TPD52L2: variants seen among roughly 807,000 people sequenced by gnomAD.
TPD52L2 encodes the protein TPD52 like 2.
A neutral mutation model predicts 24.7 loss-of-function variants in TPD52L2; 19 were observed. The ratio of observed to expected loss-of-function variants is 0.77; its 90% CI spans 0.54 to 1.13. TPD52L2 has a LOEUF of 1.13. TPD52L2 is among the 50% of genes most tolerant of loss of function. TPD52L2 has a pLI of 0.00. For missense variants in TPD52L2, 236 were observed against 250.4 expected (o/e 0.94, Z 0.39); for synonymous variants, 104 against 100.2 (o/e 1.04, Z -0.23).
intron 2 of TPD52L2, among the ~76,000 whole-genome samples, chr20:63,873,168 G>A (rs892361495): frequency 6.6e-6 from 1 of 151,910 alleles, no homozygotes; most frequent in Non-Finnish European, 1.5e-5. Context: ...TAGTTCCCTG[G>A]AGTCAAGTTC....
chr20:63,875,579 G>A (rs1449038933), intron 3 of TPD52L2, among the ~76,000 whole-genome samples: 1 of 152,210 alleles, frequency 6.6e-6, no homozygotes, highest in Non-Finnish European at 1.5e-5. Flanking sequence ...GAGACCAGGG[G>A]CTACTGCCAG....
In TPD52L2 at chr20:63,877,854, CG is replaced by C. The variant is rs1464533690; in HGVS notation, c.374+1982del. Among the ~76,000 whole-genome samples the C allele has an allele frequency of 1.3e-5, 2 of 152,182 alleles. No homozygotes were observed. The highest frequency in any genetic ancestry group is 4.8e-5 in the African/African-American group (2 of 41,430). ...GGTTCCAGAGTGGAAGCGTTTCTGC[CG>C]GGAAGGCCCAGGCCGAGGGCGATGG... On this transcript the variant is annotated intron_variant, in intron 4 of 6. Coordinates refer to ENST00000346249, the MANE Select transcript of TPD52L2 (RefSeq NM_003288.4). This position sits in a 1 kb window ranked among gnomAD's most constrained non-coding sequence, Gnocchi z 4.1.
In TPD52L2 at chr20:63,869,303, C is replaced by T. The variant is rs1490133680; in HGVS notation, c.27C>T (p.Asn9=). The change falls in exon 2 of 7, where the codon AAC becomes AAT. Residue 9 remains asparagine, a synonymous_variant. Transcript: ENST00000346249. The part of the protein sequence containing the change: MDSAGQDI[N]LNSPNKGLLS... ...TCATTTTGTCTCTGGCAGATATCAA[C>T]CTGAATTCTCCTAACAAAGGTCTGC... The T allele has an allele frequency of 6.2e-7, 1 of 1,614,142 alleles. No homozygotes were observed. Among genetic ancestry groups the T allele is most frequent in the South Asian group, 1.1e-5 (1 of 91,078 alleles).
rs1398385838 is a variant in TPD52L2, at chr20:63,889,832, A to C, written c.526-18A>C. ...CTCTGTCTCAGGTTTTTCTGTCTTC[A>C]TCTTTTCTCTCCTGTAGTCTAAGGT... On this transcript the variant is annotated intron_variant, in intron 6 of 6. Transcript: ENST00000346249. The C allele has an allele frequency of 8.7e-6, 14 of 1,610,504 alleles. No individual in the cohort carries two copies. The highest frequency in any genetic ancestry group is 1.2e-5 in the Non-Finnish European group (14 of 1,177,334).
At position 63,890,164 on chromosome 20, in the gene TPD52L2, C is replaced by T. The variant is rs2053279065; in HGVS notation, c.*219C>T. 3 of 1,078,142 alleles carry T rather than the reference C, an allele frequency of 2.8e-6. No homozygotes were observed. Among genetic ancestry groups the T allele is most frequent in the Middle Eastern group, 3.1e-4 (1 of 3,264 alleles). The allele number at this position is 1,078,142 out of a possible 1,614,324, so 66.8% of individuals were successfully genotyped here. A position where few individuals can be genotyped will look rare whatever the true frequency, so the allele number is the denominator to read the frequency against. ...TTTACACTCACGTTTGTAGATGAAACAGATCACTGTGCTGTCCTTCCTAGG... is the reference window on the plus strand; with the variant it reads ...TTTACACTCACGTTTGTAGATGAAATAGATCACTGTGCTGTCCTTCCTAGG... On this transcript the variant is annotated 3_prime_UTR_variant, in exon 7 of 7. Transcript: ENST00000346249.
chr20:63,874,298 T>G (rs1220234502), intron 3 of TPD52L2, among the ~76,000 whole-genome samples: 2 of 150,994 alleles, frequency 1.3e-5, no homozygotes, highest in African/African-American at 4.9e-5. Context: ...GCCAGGCTGG[T>G]CTTGAACTCC....
At chr20:63,865,837 C>G (rs903585885) in intron 1 of TPD52L2, among the ~76,000 whole-genome samples, 6 of 152,038 alleles carry the variant, frequency 3.9e-5, no homozygotes, top group African/African-American at 1.4e-4. Flanking sequence ...GAGAAGGGGT[C>G]TTCGCGTTCA....
intron 4 of TPD52L2, 81 bp downstream of exon 4, chr20:63,875,956 C>A: frequency 2.9e-6 from 4 of 1,391,326 alleles, no homozygotes; most frequent in Non-Finnish European, 4.0e-6. Context: ...GCTGTGCACA[C>A]TTGGCACAAA....
intron 4 of TPD52L2, among the ~76,000 whole-genome samples, chr20:63,882,392 G>A (rs1232675927): frequency 6.6e-6 from 1 of 152,284 alleles, no homozygotes; most frequent in Non-Finnish European, 1.5e-5. Flanking sequence ...ACAGGAAAGC[G>A]AGCTTAGTGG....
chr20:63,883,179 T>C (rs916503020), intron 5 of TPD52L2, among the ~76,000 whole-genome samples: 3 of 152,290 alleles, frequency 2.0e-5, no homozygotes, highest in Non-Finnish European at 2.9e-5. Context: ...ACGGCAGTCC[T>C]CCACCATCTC....
chr20:63,885,428 T>TGAGGCAGCA (rs1329168458), intron 5 of TPD52L2, among the ~76,000 whole-genome samples: 1 of 152,184 alleles, frequency 6.6e-6, no homozygotes, highest in Non-Finnish European at 1.5e-5. Flanking sequence ...CTGGCTGCAG[T>TGAGGCAGCA]GAGTGGCAGC....
rs1003989848 is a variant in TPD52L2 at position 63,877,600 on chromosome 20, C to T, written c.374+1725C>T. ...GCATCAGGCGGACGCACAGTGCAGA[C>T]TCAGTCTGAAAATAGTCTTAGGAGA... On this transcript the variant is annotated intron_variant, in intron 4 of 6. Transcript: ENST00000346249. This position sits in a 1 kb window ranked among gnomAD's most constrained non-coding sequence, Gnocchi z 4.1. 1.3e-5 allele frequency among the ~76,000 whole-genome samples: 2 copies of T among 152,260 alleles called. No homozygotes were observed. Among genetic ancestry groups the T allele is most frequent in the Admixed American group, 6.5e-5 (1 of 15,282 alleles).
At chr20:63,873,891 G>T in intron 3 of TPD52L2, 75 bp downstream of exon 3, 1 of 1,399,430 alleles carries the variant, frequency 7.1e-7, no homozygotes, top group Non-Finnish European at 9.3e-7. Flanking sequence ...ATGTGGGGGG[G>T]CGTCGTCATG....
At chr20:63,881,367 A>C (rs1600821582) in intron 4 of TPD52L2, among the ~76,000 whole-genome samples, 1 of 151,756 alleles carries the variant, frequency 6.6e-6, no homozygotes, top group Non-Finnish European at 1.5e-5. Flanking sequence ...CTCAAAAAAA[A>C]AAAAAAGAAA....
At chr20:63,876,686 C>T (rs1368278083) in intron 4 of TPD52L2, 5 of 441,628 alleles carry the variant, frequency 1.1e-5, no homozygotes, top group Admixed American at 2.5e-5. Context: ...GAAGCAGTTG[C>T]TGCCGAGCTT....
chr20:63,890,269 C>G lies in TPD52L2; in HGVS notation c.*324C>G, dbSNP rs1041732370. 6.2e-6 allele frequency: 3 copies of G among 486,492 alleles called. No homozygotes were observed. Among genetic ancestry groups the G allele is most frequent in the Non-Finnish European group, 1.1e-5 (3 of 277,022 alleles). 30.1% of individuals were successfully genotyped at this position (486,492 alleles called of 1,614,324 possible). A position where few individuals can be genotyped will look rare whatever the true frequency, so the allele number is the denominator to read the frequency against. On this transcript the variant is annotated 3_prime_UTR_variant, in exon 7 of 7. Transcript: ENST00000346249. ...GGCTCCCTTTGGGAATCATGTTAGC[C>G]CATCAGAATGTTGAAGGATTGAAGA... is the stretch of plus-strand genomic sequence containing the variant.
chr20:63,883,817 GCTGCCTGCCTGCCTGCCTGC>G (rs151203422), intron 5 of TPD52L2, among the ~76,000 whole-genome samples: 212 of 74,346 alleles, frequency 2.9e-3, no homozygotes, highest in Middle Eastern at 0.016. Context: ...CTCCTGCTGG[GCTGCCTGCCTGCCTGCCTGC>G]CTGCCTCCCT....
chr20:63,866,954 C>CT lies in TPD52L2; in HGVS notation c.19+1586dup, dbSNP rs72491050. 1.9e-3 allele frequency among the ~76,000 whole-genome samples: 271 copies of CT among 139,634 alleles called. 1 individual carries two copies. The highest frequency in any genetic ancestry group is 8.3e-3 in the East Asian group (40 of 4,836). The allele number at this position is 139,634 out of a possible 152,430, so 91.6% of individuals were successfully genotyped here. A position where few individuals can be genotyped will look rare whatever the true frequency, so the allele number is the denominator to read the frequency against. Reference sequence around the variant, plus strand: ...CATGCCAGGTTAATTGGTCTTTCTACTTTTTTTTTTTTTTTTGAGACGGAT... The same window carrying CT: ...CATGCCAGGTTAATTGGTCTTTCTACTTTTTTTTTTTTTTTTTGAGACGGAT... On this transcript the variant is annotated intron_variant, in intron 1 of 6. Transcript: ENST00000346249.
intron 2 of TPD52L2, among the ~76,000 whole-genome samples, chr20:63,870,899 G>A (rs1380820547): frequency 6.6e-6 from 1 of 151,914 alleles, no homozygotes; most frequent in Non-Finnish European, 1.5e-5. Context: ...CGTATTTTTA[G>A]TAGAGACAGA....
Sources: gnomAD v4.1 joint callset for allele counts (sites outside exome capture counted in the v4.1 genomes callset) on GRCh38, gnomAD v4.1.1 for gene constraint, Gnocchi (gnomAD v3.1) non-coding constraint, MANE v1.5 for transcripts, NCBI Gene and HGNC (gene_info 2026-07-23, HGNC 2026-07-21) for gene names.